AKT3: variants seen among roughly 807,000 people sequenced by gnomAD.
AKT3 encodes the protein AKT serine/threonine kinase 3, also known as RAC-gamma serine/threonine-protein kinase.
In AKT3, 15 loss-of-function variants were observed where a neutral mutation model predicts 65.3. The observed-to-expected ratio is 0.23, with a 90% confidence interval of 0.15 to 0.35. The LOEUF is 0.35. AKT3 is among the 10% of genes least tolerant of loss of function. The pLI, the probability that AKT3 is intolerant of heterozygous loss-of-function variation, is 1.00. For missense variants in AKT3, 243 were observed against 576.5 expected, an observed-to-expected ratio of 0.42 and a Z score of 5.92; for synonymous variants, 206 against 183.8, an observed-to-expected ratio of 1.12 and a Z score of -0.98.
chr1:243,697,790 A>T (rs1165505662), intron 2 of AKT3, among the ~76,000 whole-genome samples: 1 of 152,018 alleles, frequency 6.6e-6, no homozygotes, highest in Non-Finnish European at 1.5e-5. Context: ...TTAAAAGCTC[A>T]ATTTCCATCA....
chr1:243,792,307 TA>T (rs34189775), intron 2 of AKT3, among the ~76,000 whole-genome samples: 151,650 of 152,270 alleles, frequency 1, 75,515 homozygotes, highest in East Asian at 1. Flanking sequence ...TTTATTCACT[TA>T]ACTCAAAAAT....
chr1:243,789,031 T>A (rs2148331240), intron 2 of AKT3, among the ~76,000 whole-genome samples: 1 of 152,362 alleles, frequency 6.6e-6, no homozygotes, highest in East Asian at 1.9e-4. Flanking sequence ...TCACAGCATC[T>A]TCTCAAGGAG....
intron 12 of AKT3, among the ~76,000 whole-genome samples, chr1:243,529,729 C>A (rs1339083050): frequency 6.6e-6 from 1 of 152,160 alleles, no homozygotes; most frequent in Non-Finnish European, 1.5e-5. Context: ...AATGTAATGT[C>A]TCTGGCTTTG....
At chr1:243,527,276 G>A (rs542272659) in intron 12 of AKT3, among the ~76,000 whole-genome samples, 24 of 152,196 alleles carry the variant, frequency 1.6e-4, no homozygotes, top group African/African-American at 5.1e-4. Context: ...TATCAACCAA[G>A]TGACCAAAAT....
At chr1:243,558,660 T>A (rs1330848583) in intron 10 of AKT3, among the ~76,000 whole-genome samples, 1 of 152,114 alleles carries the variant, frequency 6.6e-6, no homozygotes, top group Non-Finnish European at 1.5e-5. Flanking sequence ...AGTTCTAACT[T>A]GATTATCAAA....
Position 243,505,028 on chromosome 1 carries a change from T to C in AKT3, c.*221A>G, listed in dbSNP as rs887672158. 1.9e-6 allele frequency: 1 copy of C among 540,534 alleles called. No individual in the cohort carries two copies. The highest frequency in any genetic ancestry group is 3.4e-5 in the Admixed American group (1 of 29,400). 33.5% of individuals were successfully genotyped at this position (540,534 alleles called of 1,614,324 possible). ...ACAGTAGCAGCAACAGCATGAGACCTTAGACTGAGATACAATTTCATGCAA... is the reference window on the plus strand; with the variant it reads ...ACAGTAGCAGCAACAGCATGAGACCCTAGACTGAGATACAATTTCATGCAA... On this transcript the variant is annotated 3_prime_UTR_variant, in exon 14 of 14. Coordinates refer to ENST00000673466, the MANE Select transcript of AKT3 (RefSeq NM_005465.7).
chr1:243,741,206 C>T (rs929043733), intron 2 of AKT3, among the ~76,000 whole-genome samples: 1 of 152,170 alleles, frequency 6.6e-6, no homozygotes, highest in Non-Finnish European at 1.5e-5. Flanking sequence ...CATGCAAGCA[C>T]GTACCTGTAT....
At chr1:243,525,626 A>G (rs1670992729) in intron 12 of AKT3, among the ~76,000 whole-genome samples, 1 of 146,818 alleles carries the variant, frequency 6.8e-6, no homozygotes, top group South Asian at 2.2e-4. Context: ...AATTCTCTCT[A>G]TGGGCTTGGA....
intron 2 of AKT3, among the ~76,000 whole-genome samples, chr1:243,765,856 C>T (rs1192210980): frequency 6.6e-6 from 1 of 152,150 alleles, no homozygotes; most frequent in Non-Finnish European, 1.5e-5. Context: ...AAATACCCTG[C>T]TGGCAGCTGT....
intron 9 of AKT3, among the ~76,000 whole-genome samples, chr1:243,566,649 C>T (rs1574620513): frequency 6.6e-6 from 1 of 152,108 alleles, no homozygotes; most frequent in Non-Finnish European, 1.5e-5. Flanking sequence ...CCCTTATTCA[C>T]TGTGTGACCT....
chr1:243,541,482 CATCT>C (rs1672315727), intron 12 of AKT3, among the ~76,000 whole-genome samples: 1 of 151,950 alleles, frequency 6.6e-6, no homozygotes. Context: ...TCTCCACGCT[CATCT>C]TTTTTTCTCC....
chr1:243,690,394 G>T (rs974853116), intron 3 of AKT3, among the ~76,000 whole-genome samples: 2 of 152,102 alleles, frequency 1.3e-5, no homozygotes, highest in Non-Finnish European at 2.9e-5. Context: ...GACAATGTAT[G>T]TATCCTATAT....
chr1:243,576,095 G>A (rs1195504576), intron 8 of AKT3, among the ~76,000 whole-genome samples: 8 of 151,924 alleles, frequency 5.3e-5, no homozygotes, highest in African/African-American at 1.9e-4. Flanking sequence ...GCAAATCAAT[G>A]AATGTAATTC....
chr1:243,577,676 A>T (rs1675039708), intron 8 of AKT3, among the ~76,000 whole-genome samples: 1 of 152,208 alleles, frequency 6.6e-6, no homozygotes, highest in Non-Finnish European at 1.5e-5. Flanking sequence ...TTACAACAAA[A>T]GCAATAATTG....
At chr1:243,841,215 C>T (rs886067524) in intron 2 of AKT3, among the ~76,000 whole-genome samples, 1 of 151,868 alleles carries the variant, frequency 6.6e-6, no homozygotes, top group Non-Finnish European at 1.5e-5. Flanking sequence ...TAAATACTTT[C>T]TATTATGGTA....
At chr1:243,511,893 A>C (rs1428490259) in intron 13 of AKT3, among the ~76,000 whole-genome samples, 1 of 152,250 alleles carries the variant, frequency 6.6e-6, no homozygotes, top group Non-Finnish European at 1.5e-5. Flanking sequence ...AGTAAAAAGG[A>C]GTGACTCTAC....
chr1:243,629,657 T>C (rs1176018506), intron 6 of AKT3, among the ~76,000 whole-genome samples: 3 of 152,094 alleles, frequency 2.0e-5, no homozygotes, highest in Non-Finnish European at 2.9e-5. Flanking sequence ...CCAGGCGTGG[T>C]GGTGGGCACC....
intron 12 of AKT3, among the ~76,000 whole-genome samples, chr1:243,536,407 T>C (rs1239099482): frequency 6.6e-6 from 1 of 152,172 alleles, no homozygotes; most frequent in Non-Finnish European, 1.5e-5. Flanking sequence ...TCTTGCATTT[T>C]TAATAGTGTT....
chr1:243,563,295 T>A (rs962152830), intron 10 of AKT3, among the ~76,000 whole-genome samples: 2 of 152,196 alleles, frequency 1.3e-5, no homozygotes, highest in African/African-American at 4.8e-5. Flanking sequence ...GTCATTTCAA[T>A]AATTTTCCCA....
Sources: gnomAD v4.1 joint callset for allele counts (sites outside exome capture counted in the v4.1 genomes callset) on GRCh38, gnomAD v4.1.1 for gene constraint, MANE v1.5 for transcripts, NCBI Gene and HGNC (gene_info 2026-07-23, HGNC 2026-07-21) for gene names.